CHI3L2: variants seen among roughly 807,000 people sequenced by gnomAD.
CHI3L2 encodes chitinase-3-like protein 2.
Under a neutral mutation model 47.3 loss-of-function variants are expected in CHI3L2, and 47 were observed. The observed-to-expected ratio is 0.99, with a 90% CI of 0.79 to 1.27. The LOEUF is 1.27. CHI3L2 is among the 50% of genes most tolerant of loss of function. The pLI is 0.00. For missense variants in CHI3L2, 497 were observed against 462.1 expected, an observed-to-expected ratio of 1.08 and a Z score of -0.69; for synonymous variants, 198 against 169.9, an observed-to-expected ratio of 1.17 and a Z score of -1.28.
At position 111,242,349 on chromosome 1, in the gene CHI3L2, C is replaced by T; in HGVS notation, c.1158C>T (p.Ser386=). 6.2e-7 allele frequency: 1 copy of T among 1,608,374 alleles called. No homozygotes were observed. The highest frequency in any genetic ancestry group is 8.5e-7 in the Non-Finnish European group (1 of 1,177,202). ...CTCTTGTCCAAGCAGTCAAGAGAAG[C>T]CTTGGCTCCCTGTGAAGGTAACAGT... is the stretch of plus-strand genomic sequence containing the variant. ...PYPLVQAVKR[S]LGSL The change falls in exon 10 of 11, where the codon AGC becomes AGT. Residue 386 remains serine, a synonymous_variant. Coordinates refer to ENST00000369748, the MANE Select transcript of CHI3L2 (RefSeq NM_004000.3).
intron 1 of CHI3L2, among the ~76,000 whole-genome samples, chr1:111,228,270 GAGTGGGGATGAGGCTAA>G (rs949248484): frequency 5.3e-5 from 8 of 152,202 alleles, no homozygotes; most frequent in African/African-American, 1.9e-4. Context: ...ATTGGGATGA[GAGTGGGGATGAGGCTAA>G]ATAAACAAGG....
chr1:111,235,361 A>C (rs1659847937), intron 5 of CHI3L2, among the ~76,000 whole-genome samples: 1 of 152,170 alleles, frequency 6.6e-6, no homozygotes, highest in Admixed American at 6.5e-5. Flanking sequence ...CTGAGTACTG[A>C]GGTGGCCTCA....
intron 9 of CHI3L2, 70 bp from the exon 10 acceptor site, chr1:111,242,157 A>C: frequency 6.3e-7 from 1 of 1,599,800 alleles, no homozygotes; most frequent in Non-Finnish European, 8.6e-7. Flanking sequence ...CCTCATCTGA[A>C]CCTGATATGG....
At chr1:111,233,095 A>G (rs1465523760) in intron 4 of CHI3L2, among the ~76,000 whole-genome samples, 5 of 152,238 alleles carry the variant, frequency 3.3e-5, no homozygotes, top group Non-Finnish European at 7.3e-5. Flanking sequence ...CCAGTATCTC[A>G]TCTACAGCTT....
At chr1:111,241,888 G>C (rs5003371) in intron 9 of CHI3L2, among the ~76,000 whole-genome samples, 37,824 of 152,008 alleles carry the variant, frequency 0.25, 5,542 homozygotes, top group Non-Finnish European at 0.34. Flanking sequence ...TTCCTTTCAT[G>C]GTTAGAACAA....
chr1:111,235,131 T>C (rs1285352506), intron 5 of CHI3L2, 74 bp downstream of exon 5: 4 of 1,486,422 alleles, frequency 2.7e-6, no homozygotes, highest in African/African-American at 1.4e-5. Context: ...CCAGAATCCA[T>C]GGCCACATTG....
chr1:111,235,952 CA>C (rs1271956720), intron 6 of CHI3L2, 71 bp from the exon 7 acceptor site: 2 of 1,586,790 alleles, frequency 1.3e-6, no homozygotes, highest in Admixed American at 3.4e-5. Flanking sequence ...CATTCAAAGC[CA>C]AAACAATTAC....
At chr1:111,231,016 G>C in intron 3 of CHI3L2, 73 bp downstream of exon 3, 1 of 1,203,566 alleles carries the variant, frequency 8.3e-7, no homozygotes. Flanking sequence ...CTGACACTAA[G>C]ACATACTATC....
intron 4 of CHI3L2, among the ~76,000 whole-genome samples, chr1:111,234,059 G>A (rs1484369278): frequency 1.1e-4 from 17 of 150,230 alleles, no homozygotes; most frequent in African/African-American, 4.1e-4. Flanking sequence ...CACTGCGGAA[G>A]GCCGCAGGGT....
chr1:111,229,929 C>G (rs758806164), intron 2 of CHI3L2, 48 bp downstream of exon 2: 12 of 1,609,234 alleles, frequency 7.5e-6, no homozygotes, highest in Non-Finnish European at 9.3e-6. Flanking sequence ...GGCTTGGGTG[C>G]TTTCATTTTT....
In CHI3L2 at chr1:111,238,926, T is replaced by C. The variant is rs1445028652; in HGVS notation, c.912T>C (p.Tyr304=). ...PITESSGFLA[Y]YEICQFLKGA... ...CAGAGTCTTCAGGCTTCCTGGCCTA[T>C]TATGAGGTACCTGGAAACCCCCTGT... The change falls in exon 8 of 11, where the codon TAT becomes TAC. Residue 304 remains tyrosine, a synonymous_variant. Transcript: ENST00000369748. 1 of 1,591,558 alleles carries C rather than the reference T, an allele frequency of 6.3e-7. No homozygotes were observed. The highest frequency in any genetic ancestry group is 8.5e-7 in the Non-Finnish European group (1 of 1,171,344).
chr1:111,230,605 C>G lies in CHI3L2; in HGVS notation c.71-137C>G, dbSNP rs902334720. The G allele has an allele frequency of 1.1e-5, 8 of 696,712 alleles. No individual in the cohort carries two copies. In the Admixed American group the frequency reaches 1.2e-4, roughly 10 times the overall value. The allele number at this position is 696,712 out of a possible 1,614,324, so 43.2% of individuals were successfully genotyped here. A position where few individuals can be genotyped will look rare whatever the true frequency, so the allele number is the denominator to read the frequency against. On this transcript the variant is annotated intron_variant, in intron 2 of 10. Transcript: ENST00000369748. Reference sequence around the variant, plus strand: ...GGTACTCAAGAGCCAGCACTAAAGGCCCAGGCTGAATGACCCTCAGAGGCT... The same window carrying G: ...GGTACTCAAGAGCCAGCACTAAAGGGCCAGGCTGAATGACCCTCAGAGGCT...
rs1230383210 is a variant in CHI3L2 at position 111,230,959 on chromosome 1, G to A, written c.272+16G>A. 1 of 1,604,706 alleles carries A rather than the reference G, an allele frequency of 6.2e-7. No individual in the cohort carries two copies. Among genetic ancestry groups the A allele is most frequent in the South Asian group, 1.1e-5 (1 of 90,690 alleles). On this transcript the variant is annotated intron_variant, in intron 3 of 10. Coordinates refer to ENST00000369748, the MANE Select transcript of CHI3L2 (RefSeq NM_004000.3). ...TCAAAACCAAGTGAGTAAGATGGGG[G>A]TGGAAGCATCCTGCATGGATTTTAG...
At chr1:111,237,396 C>T (rs1345518066) in intron 7 of CHI3L2, among the ~76,000 whole-genome samples, 1 of 152,192 alleles carries the variant, frequency 6.6e-6, no homozygotes, top group African/African-American at 2.4e-5. Flanking sequence ...TTCTCAGTTA[C>T]AATCTTTGCA....
At chr1:111,238,035 A>G (rs1212003673) in intron 7 of CHI3L2, among the ~76,000 whole-genome samples, 1 of 152,208 alleles carries the variant, frequency 6.6e-6, no homozygotes, top group Admixed American at 6.5e-5. Context: ...CCTTTACATA[A>G]TAACTCTTTC....
chr1:111,230,394 C>G lies in CHI3L2; in HGVS notation c.71-348C>G, dbSNP rs537988355. Among the ~76,000 whole-genome samples the G allele has an allele frequency of 5.7e-4, 87 of 152,126 alleles. 1 individual carries two copies. Among genetic ancestry groups the G allele is most frequent in the Non-Finnish European group, 8.8e-5 (6 of 68,016 alleles). ...TCAGCCTCCTTAGTAGCTGAGACTA[C>G]AGGCATGAACCACTACACCTGGCTA... On this transcript the variant is annotated intron_variant, in intron 2 of 10. Transcript: ENST00000369748.
intron 8 of CHI3L2, among the ~76,000 whole-genome samples, chr1:111,239,529 AG>A (rs1389863020): frequency 6.6e-6 from 1 of 152,184 alleles, no homozygotes; most frequent in Non-Finnish European, 1.5e-5. Context: ...AGGGACATGC[AG>A]AGGAAGGGGA....
At chr1:111,239,053 T>C (rs1322349351) in intron 8 of CHI3L2, 121 bp downstream of exon 8, 16 of 955,780 alleles carry the variant, frequency 1.7e-5, no homozygotes, top group Non-Finnish European at 3.0e-6. Flanking sequence ...AGAGTACTAC[T>C]GAACATGTGA....
At position 111,231,286 on chromosome 1, in the gene CHI3L2, T is replaced by C. The variant is rs771389041; in HGVS notation, c.321T>C (p.Gly107=). The part of the protein sequence containing the change: ...ILLSIGGYLF[G]SKGFHPMVDS... ...TGTCCATTGGAGGGTACCTGTTTGG[T>C]TCCAAAGGGTAAGACTACATCTTTA... The change falls in exon 4 of 11, where the codon GGT becomes GGC. Residue 107 remains glycine, a synonymous_variant. Coordinates refer to ENST00000369748, the MANE Select transcript of CHI3L2 (RefSeq NM_004000.3). The C allele has an allele frequency of 3.1e-5, 50 of 1,608,784 alleles. No individual in the cohort carries two copies. The highest frequency in any genetic ancestry group is 4.1e-5 in the Non-Finnish European group (48 of 1,175,592).
Sources: gnomAD v4.1 joint callset for allele counts (sites outside exome capture counted in the v4.1 genomes callset) on GRCh38, gnomAD v4.1.1 for gene constraint, MANE v1.5 for transcripts, NCBI Gene and HGNC (gene_info 2026-07-23, HGNC 2026-07-21) for gene names.